EMC8: variants seen among roughly 807,000 people sequenced by gnomAD.
The protein encoded by EMC8 is COX4 neighbor.
EMC8 carries 11 observed loss-of-function variants against 24.3 expected under a neutral mutation model. The observed-to-expected ratio is 0.45, with a 90% CI of 0.28 to 0.75. The LOEUF (loss-of-function observed/expected upper bound fraction) is 0.75. EMC8 is among the 30% of genes least tolerant of loss of function. The probability of loss-of-function intolerance (pLI) is 0.12; values close to 1 mark genes in which losing one functional copy is unlikely to be tolerated. For missense variants in EMC8, 277 were observed against 282.7 expected, an observed-to-expected ratio of 0.98 and a Z score of 0.14; for synonymous variants, 145 against 117.7, an observed-to-expected ratio of 1.23 and a Z score of -1.50.
intron 2 of EMC8, among the ~76,000 whole-genome samples, chr16:85,785,907 C>T (rs895815817): frequency 1.3e-5 from 2 of 152,094 alleles, no homozygotes; most frequent in African/African-American, 2.4e-5. Context: ...GGCTCTCTGC[C>T]GGGCACCGAA....
chr16:85,782,634 G>A (rs1272270946), intron 2 of EMC8, among the ~76,000 whole-genome samples: 1 of 152,022 alleles, frequency 6.6e-6, no homozygotes, highest in African/African-American at 2.4e-5. Flanking sequence ...TTAACAAGCC[G>A]CTAGTCTTGC....
rs923178849 is a variant in EMC8 at position 85,778,735 on chromosome 16, C to T, written c.*973G>A. 3 of 152,148 alleles carry T rather than the reference C, an allele frequency of 2.0e-5. No individual in the cohort carries two copies. The highest frequency in any genetic ancestry group is 2.9e-5 in the Non-Finnish European group (2 of 68,038). 9.4% of individuals were successfully genotyped at this position (152,148 alleles called of 1,614,324 possible). A position where few individuals can be genotyped will look rare whatever the true frequency, so the allele number is the denominator to read the frequency against. On this transcript the variant is annotated 3_prime_UTR_variant, in exon 5 of 5. Coordinates refer to ENST00000253457, the MANE Select transcript of EMC8 (RefSeq NM_006067.5). ...ACAAACCCTTTCAGGTCACACCGAT[C>T]GTTACAAATTCCTCCATGGAGTCAA...
At chr16:85,782,652 C>T (rs752201216) in intron 2 of EMC8, among the ~76,000 whole-genome samples, 2 of 152,154 alleles carry the variant, frequency 1.3e-5, no homozygotes, top group African/African-American at 4.8e-5. Context: ...TGCTCCATGT[C>T]CTCACCACAG....
At chr16:85,796,708 G>T (rs958260078) in intron 1 of EMC8, among the ~76,000 whole-genome samples, 4 of 152,076 alleles carry the variant, frequency 2.6e-5, no homozygotes, top group Non-Finnish European at 5.9e-5. Context: ...CCTGCTCTTT[G>T]CACATGCTGG....
Position 85,799,034 on chromosome 16 carries a change from T to C in EMC8, c.231+31A>G, listed in dbSNP as rs910730781. On this transcript the variant is annotated intron_variant, in intron 1 of 4. Transcript: ENST00000253457. This position sits in a 1 kb window ranked among gnomAD's most constrained non-coding sequence, Gnocchi z 4.2. ...CTGACTGAGGGGAGGCCAGGCTGCC[T>C]GCAAGGGGAAGGGGCCCTTTCCGCG... 6 of 1,445,336 alleles carry C rather than the reference T, an allele frequency of 4.2e-6. No homozygotes were observed. Among genetic ancestry groups the C allele is most frequent in the East Asian group, 2.5e-5 (1 of 40,226 alleles). The allele number at this position is 1,445,336 out of a possible 1,614,324, so 89.5% of individuals were successfully genotyped here. A position where few individuals can be genotyped will look rare whatever the true frequency, so the allele number is the denominator to read the frequency against.
chr16:85,780,570 C>T (rs1307775097), intron 3 of EMC8, 97 bp from the exon 4 acceptor site: 1 of 807,256 alleles, frequency 1.2e-6, no homozygotes, highest in Non-Finnish European at 2.1e-6. Flanking sequence ...CGTGCCCACG[C>T]TGGCTGGGGC....
chr16:85,785,077 G>C (rs1904690938), intron 2 of EMC8: 2 of 152,270 alleles, frequency 1.3e-5, no homozygotes, highest in African/African-American at 4.8e-5. Context: ...CTCCCTTGTA[G>C]CTGGGACCAC....
chr16:85,785,524 C>G (rs763638141), intron 2 of EMC8, among the ~76,000 whole-genome samples: 1 of 152,094 alleles, frequency 6.6e-6, no homozygotes, highest in Non-Finnish European at 1.5e-5. Context: ...GAGGCGAGAT[C>G]GTGCCACTGC....
chr16:85,795,192 C>T (rs187015582), intron 1 of EMC8, among the ~76,000 whole-genome samples: 1 of 151,514 alleles, frequency 6.6e-6, no homozygotes, highest in East Asian at 1.9e-4. Flanking sequence ...GAATAAGCAA[C>T]ATCTGACATT....
chr16:85,799,529 G>A lies in EMC8; in HGVS notation c.-234C>T, dbSNP rs1905491343. ...CAGACTCCAGTCGCGCTTCTCGCCC[G>A]GCGCCGCCGGAAAGCAGCCTCTCCA... On this transcript the variant is annotated 5_prime_UTR_variant, in exon 1 of 5. Transcript: ENST00000253457. This position sits in a 1 kb window ranked among gnomAD's most constrained non-coding sequence, Gnocchi z 4.2. The A allele has an allele frequency of 2.6e-6, 1 of 379,948 alleles. No individual in the cohort carries two copies. Among genetic ancestry groups the A allele is most frequent in the South Asian group, 1.1e-4 (1 of 9,004 alleles). 23.5% of individuals were successfully genotyped at this position (379,948 alleles called of 1,614,324 possible).
At chr16:85,794,309 T>A (rs991784325) in intron 1 of EMC8, among the ~76,000 whole-genome samples, 1 of 152,210 alleles carries the variant, frequency 6.6e-6, no homozygotes, top group East Asian at 1.9e-4. Context: ...CCCCTGTAAC[T>A]TTCCTCTGAA....
At chr16:85,788,934 G>A (rs1385421976) in intron 2 of EMC8, 40 bp downstream of exon 2, 3 of 1,447,396 alleles carry the variant, frequency 2.1e-6, no homozygotes, top group Non-Finnish European at 1.9e-6. Flanking sequence ...CCCAACACGT[G>A]CTCACTTCCT....
chr16:85,798,966 A>T, intron 1 of EMC8, 99 bp downstream of exon 1: 1 of 827,306 alleles, frequency 1.2e-6, no homozygotes, highest in Non-Finnish European at 1.9e-6. Context: ...AGCGGGTCCT[A>T]GGAGCCTGCT....
chr16:85,792,496 G>A (rs570961014), intron 1 of EMC8: 5 of 152,352 alleles, frequency 3.3e-5, no homozygotes, highest in East Asian at 1.9e-4. Context: ...AGGGAGGAAC[G>A]GAGACTCGGC....
In EMC8 at chr16:85,779,002, C is replaced by T. The variant is rs757872972; in HGVS notation, c.*706G>A. 2.0e-5 allele frequency: 3 copies of T among 152,240 alleles called. No individual in the cohort carries two copies. Among genetic ancestry groups the T allele is most frequent in the Non-Finnish European group, 4.4e-5 (3 of 68,046 alleles). The allele number at this position is 152,240 out of a possible 1,614,324, so 9.4% of individuals were successfully genotyped here. Reference sequence around the variant, plus strand: ...CATTTCCCTTTCCTGGCCCTGCAGGCACGTGAGCTTTCTGCGTGGCTGAAG... The same window carrying T: ...CATTTCCCTTTCCTGGCCCTGCAGGTACGTGAGCTTTCTGCGTGGCTGAAG... On this transcript the variant is annotated 3_prime_UTR_variant, in exon 5 of 5. Transcript: ENST00000253457.
intron 2 of EMC8, among the ~76,000 whole-genome samples, chr16:85,782,233 C>A (rs765696257): frequency 1.3e-5 from 2 of 152,138 alleles, no homozygotes; most frequent in Non-Finnish European, 2.9e-5. Flanking sequence ...AACCTCAGGG[C>A]AGCTGGCAGT....
At chr16:85,788,165 G>T (rs367676974) in intron 2 of EMC8, among the ~76,000 whole-genome samples, 1 of 152,218 alleles carries the variant, frequency 6.6e-6, no homozygotes, top group Non-Finnish European at 1.5e-5. Context: ...AATGGAAGGG[G>T]GACATCATGT....
At chr16:85,788,945 C>T (rs375488047) in intron 2 of EMC8, 29 bp downstream of exon 2, 139 of 1,554,536 alleles carry the variant, frequency 8.9e-5, no homozygotes, top group African/African-American at 8.7e-4. Flanking sequence ...CTCACTTCCT[C>T]GCCCACAGAG....
At chr16:85,789,740 C>G (rs1317081994) in intron 1 of EMC8, among the ~76,000 whole-genome samples, 1 of 150,452 alleles carries the variant, frequency 6.6e-6, no homozygotes, top group Non-Finnish European at 1.5e-5. Context: ...TGCAGTGAGC[C>G]AAGATCATGC....
Sources: allele counts gnomAD v4.1 joint callset (sites outside exome capture counted in the v4.1 genomes callset), GRCh38; gene constraint gnomAD v4.1.1; non-coding constraint Gnocchi (gnomAD v3.1); transcripts MANE v1.5; gene names NCBI Gene and HGNC (gene_info 2026-07-23, HGNC 2026-07-21).